The following ZBED1 variants were observed in gnomAD, a reference collection of about 807,000 sequenced individuals.
The protein encoded by ZBED1 is E3 SUMO-protein ligase ZBED1.
ZBED1 carries 19 observed loss-of-function variants against 49.7 expected under a neutral mutation model. That is an observed-to-expected ratio of 0.38 (90% CI 0.27 to 0.56). The LOEUF (loss-of-function observed/expected upper bound fraction) is 0.56, where lower values mean the gene tolerates loss of function less well. Among genes scored for constraint, ZBED1 ranks in the 20% least tolerant of loss-of-function variants. The pLI, the probability that ZBED1 is intolerant of heterozygous loss-of-function variation, is 0.70. For missense variants in ZBED1, 806 were observed against 972.6 expected (o/e 0.83, Z 2.28); for synonymous variants, 439 against 440.3 (o/e 1.00, Z 0.04).
Position 2,489,770 on chromosome X carries a change from T to C in ZBED1, c.950A>G (p.Lys317Arg). ...KLGALLSRCR[K>R]LVEYFQQSAV... ...AGACTGCTGGAAGTACTCCACCAGT[T>C]TGCGGCAGCGCGACAGCAGCGCCCC... Residue 317 changes from lysine to arginine, a missense_variant, in exon 2 of 2, where the codon AAA becomes AGA. Physicochemically the swap from Lys to Arg is conservative, Grantham distance 26 (BLOSUM62 2). Coordinates refer to ENST00000652001, the MANE Select transcript of ZBED1 (RefSeq NM_001171136.2). 3 of 1,613,350 alleles carry C rather than the reference T, an allele frequency of 1.9e-6. No homozygotes were observed. The South Asian group carries it at 3.3e-5, about 18-fold the overall frequency.
In ZBED1 at chrX:2,490,411, C is replaced by G; in HGVS notation, c.309G>C (p.Gln103His). 1 of 1,613,942 alleles carries G rather than the reference C, an allele frequency of 6.2e-7. No individual in the cohort carries two copies. ...CGGCCAGCGCGTCCTGCCCGGGCTG[C>G]TGGGACGACTCGGGCTTCAGCTTGG... is the stretch of plus-strand genomic sequence containing the variant. ...AFSKLKPESS[Q>H]QPGQDALAVK... Residue 103 changes from glutamine (Q) to histidine (H), a missense_variant, in exon 2 of 2, where the codon CAG becomes CAC. Gln to His is a conservative substitution (Grantham distance 24). This residue lies in a region of ZBED1 where 749 missense variants were observed against 861.3 expected (regional missense o/e 0.87). Coordinates refer to ENST00000652001, the MANE Select transcript of ZBED1 (RefSeq NM_001171136.2).
At position 2,487,331 on chromosome X, in the gene ZBED1, C is replaced by T. The variant is rs193102780; in HGVS notation, c.*1304G>A. ...GGGAACTGGACTTTTAGGGCTGAGA[C>T]ACCGAAGACATAACCTCCGGACCCG... On this transcript the variant is annotated 3_prime_UTR_variant, in exon 2 of 2. Transcript: ENST00000652001. The T allele has an allele frequency of 2.6e-5, 4 of 152,290 alleles. No individual in the cohort carries two copies. Among genetic ancestry groups the T allele is most frequent in the African/African-American group, 9.6e-5 (4 of 41,570 alleles). 9.4% of individuals were successfully genotyped at this position (152,290 alleles called of 1,614,324 possible).
In ZBED1 at chrX:2,500,935, G is replaced by A. The variant is rs1226719581; in HGVS notation, c.-172C>T. The A allele has an allele frequency of 4.7e-6, 5 of 1,057,378 alleles. No individual in the cohort carries two copies. The highest frequency in any genetic ancestry group is 5.7e-6 in the Non-Finnish European group (5 of 877,844). 65.5% of individuals were successfully genotyped at this position (1,057,378 alleles called of 1,614,324 possible). ...CAGACAATGGCGACATGGCTGCCCC[G>A]GCCGCGCCGCCGCCGCTTCCGCGCC... is the stretch of plus-strand genomic sequence containing the variant. On this transcript the variant is annotated 5_prime_UTR_variant, in exon 1 of 2. Transcript: ENST00000652001.
chrX:2,489,287 CG>C lies in ZBED1; in HGVS notation c.1432del (p.Arg478AlafsTer95), dbSNP rs771753936. 1 of 1,613,894 alleles carries C rather than the reference CG, an allele frequency of 6.2e-7. No individual in the cohort carries two copies. The highest frequency in any genetic ancestry group is 1.3e-5 in the African/African-American group (1 of 75,034). ...FLNVATFLDP[R>X]YKRLPFLSAF... ...GGAGAGGAAGGGCAGCCTCTTGTAG[CG>C]GGGGTCCAGGAAGGTGGCCACGTTG... On this transcript the variant is annotated frameshift_variant, in exon 2 of 2. Coordinates refer to ENST00000652001, the MANE Select transcript of ZBED1 (RefSeq NM_001171136.2). LOFTEE classifies it high-confidence loss of function.
In ZBED1 at chrX:2,486,774, T is replaced by C. The variant is rs1349064950; in HGVS notation, c.*1861A>G. The C allele has an allele frequency of 6.6e-6, 1 of 152,254 alleles. No individual in the cohort carries two copies. The highest frequency in any genetic ancestry group is 1.5e-5 in the Non-Finnish European group (1 of 68,058). The allele number at this position is 152,254 out of a possible 1,614,324, so 9.4% of individuals were successfully genotyped here. On this transcript the variant is annotated 3_prime_UTR_variant, in exon 2 of 2. Coordinates refer to ENST00000652001, the MANE Select transcript of ZBED1 (RefSeq NM_001171136.2). The stretch of plus-strand genomic sequence containing the variant: ...GGTTCCAAGTTCACGGCGGAACCGC[T>C]TCCCTTAAAAAGAAAGCAAAGGTTA...
rs1370744355 is a variant in ZBED1, at chrX:2,490,005, G to A, written c.715C>T (p.Pro239Ser). 6 of 1,613,748 alleles carry A rather than the reference G, an allele frequency of 3.7e-6. No individual in the cohort carries two copies. The highest frequency in any genetic ancestry group is 5.1e-6 in the Non-Finnish European group (6 of 1,179,884). Residue 239 changes from proline to serine, a missense_variant, in exon 2 of 2, where the codon CCC (proline) becomes TCC (serine). Physicochemically the swap from Pro to Ser is moderately conservative, Grantham distance 74. This residue lies in a region of ZBED1 where 749 missense variants were observed against 861.3 expected (regional missense o/e 0.87). Coordinates refer to ENST00000652001, the MANE Select transcript of ZBED1 (RefSeq NM_001171136.2). Reference protein sequence around the residue: ...GSRCLKTFEVPEENTAETITR... With the variant: ...GSRCLKTFEVSEENTAETITR... Reference sequence around the variant, plus strand: ...ATGGTCTCCGCCGTGTTCTCTTCGGGCACCTCGAAGGTCTTCAGGCAGCGG... The same window carrying A: ...ATGGTCTCCGCCGTGTTCTCTTCGGACACCTCGAAGGTCTTCAGGCAGCGG...
rs906454353 is a variant in ZBED1, at chrX:2,487,698, G to C, written c.*937C>G. ...GCAGCAGGAAGCAGGCTCTCTGGCA[G>C]CAACCTGTCGAAAATACAACACATT... On this transcript the variant is annotated 3_prime_UTR_variant, in exon 2 of 2. Coordinates refer to ENST00000652001, the MANE Select transcript of ZBED1 (RefSeq NM_001171136.2). 8.6e-4 allele frequency: 131 copies of C among 152,218 alleles called. No homozygotes were observed. The highest frequency in any genetic ancestry group is 2.8e-3 in the African/African-American group (115 of 41,522). 9.4% of individuals were successfully genotyped at this position (152,218 alleles called of 1,614,324 possible). A position where few individuals can be genotyped will look rare whatever the true frequency, so the allele number is the denominator to read the frequency against.
intron 1 of ZBED1, among the ~76,000 whole-genome samples, chrX:2,494,070 C>T (rs776385722): frequency 2.0e-5 from 3 of 151,978 alleles, no homozygotes; most frequent in East Asian, 1.9e-4. Flanking sequence ...AGTTTGTACT[C>T]GGTTATTATT....
Position 2,500,960 on chromosome X carries a change from C to T in ZBED1, c.-197G>A. 3.0e-6 allele frequency: 3 copies of T among 1,003,464 alleles called. No homozygotes were observed. The highest frequency in any genetic ancestry group is 3.6e-6 in the Non-Finnish European group (3 of 838,122). The allele number at this position is 1,003,464 out of a possible 1,614,324, so 62.2% of individuals were successfully genotyped here. On this transcript the variant is annotated 5_prime_UTR_variant, in exon 1 of 2. Transcript: ENST00000652001. The stretch of plus-strand genomic sequence containing the variant: ...GGCCGCGCCGCCGCCGCTTCCGCGC[C>T]GCCCGCGGGACTCTGCGCCCGCCCG...
In ZBED1 at chrX:2,490,709, T is replaced by C. The variant is rs1826219774; in HGVS notation, c.11A>G (p.Lys4Arg). 2 of 1,613,052 alleles carry C rather than the reference T, an allele frequency of 1.2e-6. No homozygotes were observed. The highest frequency in any genetic ancestry group is 1.7e-6 in the Non-Finnish European group (2 of 1,179,350). The change falls in exon 2 of 2, where the codon AAA becomes AGA. Residue 4 changes from lysine (K) to arginine (R), a missense_variant. Lys to Arg is a conservative substitution (Grantham distance 26). Around this residue, in one of 2 missense-constraint regions of ZBED1, gnomAD observed 57 missense variants for 111.3 expected, o/e 0.51. Transcript: ENST00000652001. MENKSLESSQTDLK... is the reference protein window; with the variant it reads MENRSLESSQTDLK... Reference sequence around the variant, plus strand: ...GTCTGTCTGGGAGCTCTCCAGGCTTTTATTCTCCATTGCTTCTCCACCGGA... The same window carrying C: ...GTCTGTCTGGGAGCTCTCCAGGCTTCTATTCTCCATTGCTTCTCCACCGGA...
intron 1 of ZBED1, among the ~76,000 whole-genome samples, chrX:2,495,478 C>T (rs1369733295): frequency 2.0e-5 from 3 of 151,986 alleles, no homozygotes; most frequent in African/African-American, 7.3e-5. Context: ...GCCAAAATTC[C>T]CAAACCCCTA....
rs369440446 is a variant in ZBED1 at position 2,488,584 on chromosome X, G to A, written c.*51C>T. ...TGACCGGGTAAGTATTTACAGCAAA[G>A]CATCCAATGGGCTGCTGCGGGGATG... On this transcript the variant is annotated 3_prime_UTR_variant, in exon 2 of 2. Coordinates refer to ENST00000652001, the MANE Select transcript of ZBED1 (RefSeq NM_001171136.2). The A allele has an allele frequency of 3.5e-5, 53 of 1,532,032 alleles. No individual in the cohort carries two copies. The African/African-American group carries it at 5.7e-4, about 16-fold the overall frequency. 94.9% of individuals were successfully genotyped at this position (1,532,032 alleles called of 1,614,324 possible). A position where few individuals can be genotyped will look rare whatever the true frequency, so the allele number is the denominator to read the frequency against.
intron 1 of ZBED1, among the ~76,000 whole-genome samples, chrX:2,495,910 C>G (rs2045273272): frequency 6.6e-6 from 1 of 152,066 alleles, no homozygotes; most frequent in South Asian, 2.1e-4. Flanking sequence ...CGCAAGAGAC[C>G]AGTGTGAAGA....
chrX:2,493,221 G>T (rs2045200992), intron 1 of ZBED1, among the ~76,000 whole-genome samples: 1 of 152,164 alleles, frequency 6.6e-6, no homozygotes, highest in Non-Finnish European at 1.5e-5. Flanking sequence ...TTAGGGTGGG[G>T]CCCCTGGATT....
chrX:2,488,652 C>T lies in ZBED1; in HGVS notation c.2068G>A (p.Asp690Asn), dbSNP rs1404047681. ...CTTCCTCGCTACAGGAAGCTGCTGT[C>T]CCTAATGCCAAAGAAACCGCCGCTG... is the stretch of plus-strand genomic sequence containing the variant. ...GVSGGFFGIR[D>N]SSFL The change falls in exon 2 of 2, where the codon GAC becomes AAC. Residue 690 changes from aspartate (D) to asparagine (N), a missense_variant. Around this residue, in one of 2 missense-constraint regions of ZBED1, gnomAD observed 749 missense variants for 861.3 expected, o/e 0.87. Coordinates refer to ENST00000652001, the MANE Select transcript of ZBED1 (RefSeq NM_001171136.2). 2.5e-6 allele frequency: 4 copies of T among 1,608,810 alleles called. No individual in the cohort carries two copies. Among genetic ancestry groups the T allele is most frequent in the East Asian group, 2.2e-5 (1 of 44,846 alleles).
At position 2,488,724 on chromosome X, in the gene ZBED1, C is replaced by T; in HGVS notation, c.1996G>A (p.Glu666Lys). The change falls in exon 2 of 2, where the codon GAG becomes AAG. Residue 666 changes from glutamate (E) to lysine (K), a missense_variant. Transcript: ENST00000652001. The part of the protein sequence containing the change: ...EAEPEDQDEG[E>K]WGLDQEQVFS... Reference sequence around the variant, plus strand: ...ACCTGCTCCTGGTCCAGGCCCCACTCCCCCTCGTCCTGGTCCTCGGGTTCC... The same window carrying T: ...ACCTGCTCCTGGTCCAGGCCCCACTTCCCCTCGTCCTGGTCCTCGGGTTCC... The T allele has an allele frequency of 6.2e-7, 1 of 1,613,966 alleles. No individual in the cohort carries two copies.
In ZBED1 at chrX:2,488,454, C is replaced by T; in HGVS notation, c.*181G>A. On this transcript the variant is annotated 3_prime_UTR_variant, in exon 2 of 2. Coordinates refer to ENST00000652001, the MANE Select transcript of ZBED1 (RefSeq NM_001171136.2). Reference sequence around the variant, plus strand: ...CCTCCCAAAGTGCTGCGATTATAGACAGGAGCCACCGCCCCCGACCCTCTC... The same window carrying T: ...CCTCCCAAAGTGCTGCGATTATAGATAGGAGCCACCGCCCCCGACCCTCTC... The T allele has an allele frequency of 2.5e-6, 2 of 801,380 alleles. No individual in the cohort carries two copies. Among genetic ancestry groups the T allele is most frequent in the Non-Finnish European group, 3.8e-6 (2 of 533,054 alleles). 49.6% of individuals were successfully genotyped at this position (801,380 alleles called of 1,614,324 possible).
Position 2,489,676 on chromosome X carries a change from GCTC to G in ZBED1, c.1041_1043del (p.Ser348del), listed in dbSNP as rs765978670. ...TGCTCCCCCACCAGGAGACGCGGTT[GCTC>G]ACCAGCATGCAGTGGGCCACGTTCT... On this transcript the variant is annotated inframe_deletion, in exon 2 of 2. Transcript: ENST00000652001. The G allele has an allele frequency of 6.2e-7, 1 of 1,612,426 alleles. No individual in the cohort carries two copies. The highest frequency in any genetic ancestry group is 8.5e-7 in the Non-Finnish European group (1 of 1,179,784).
chrX:2,497,970 T>C (rs1200828968), intron 1 of ZBED1, among the ~76,000 whole-genome samples: 2 of 152,170 alleles, frequency 1.3e-5, no homozygotes, highest in Non-Finnish European at 2.9e-5. Flanking sequence ...CGCATGGATA[T>C]AGTCTTAAGA....
Sources: allele counts gnomAD v4.1 joint callset (sites outside exome capture counted in the v4.1 genomes callset), GRCh38; gene constraint gnomAD v4.1.1; regional missense constraint gnomAD v4.1.1; transcripts MANE v1.5; gene names NCBI Gene and HGNC (gene_info 2026-07-23, HGNC 2026-07-21).